RTN4IP1: variants seen among roughly 807,000 people sequenced by gnomAD.
The protein encoded by RTN4IP1 is reticulon 4 interacting protein 1.
RTN4IP1 carries 32 observed loss-of-function variants against 46.6 expected under a neutral mutation model. The observed-to-expected ratio is 0.69, with a 90% CI of 0.52 to 0.92. The LOEUF (loss-of-function observed/expected upper bound fraction) is 0.92, where lower values mean the gene tolerates loss of function less well. Among genes scored for constraint, RTN4IP1 ranks in the 40% least tolerant of loss-of-function variants. The probability of loss-of-function intolerance (pLI) is 0.00; values close to 1 mark genes in which losing one functional copy is unlikely to be tolerated. For synonymous variants in RTN4IP1, 167 were observed against 161.8 expected, an observed-to-expected ratio of 1.03 and a Z score of -0.24; for missense variants, 424 against 485.8, an observed-to-expected ratio of 0.87 and a Z score of 1.20.
intron 1 of RTN4IP1, among the ~76,000 whole-genome samples, chr6:106,625,398 G>A (rs1055885016): frequency 1.2e-4 from 18 of 152,056 alleles, no homozygotes; most frequent in African/African-American, 4.3e-4. Context: ...CGGGAGACAG[G>A]TTTTCAAATA....
At chr6:106,628,011 T>G (rs1336858670) in intron 1 of RTN4IP1, among the ~76,000 whole-genome samples, 28 of 142,878 alleles carry the variant, frequency 2.0e-4, no homozygotes, top group Admixed American at 1.3e-3. Flanking sequence ...GAGGTTGCAG[T>G]GAGCCAGGAA....
In RTN4IP1 at chr6:106,629,376, G is replaced by T. The variant is rs1011083794; in HGVS notation, c.-355C>A. 15 of 557,126 alleles carry T rather than the reference G, an allele frequency of 2.7e-5. No individual in the cohort carries two copies. In the Admixed American group the frequency reaches 4.2e-4, roughly 16 times the overall value. The allele number at this position is 557,126 out of a possible 1,614,324, so 34.5% of individuals were successfully genotyped here. On this transcript the variant is annotated 5_prime_UTR_variant, in exon 1 of 9. Transcript: ENST00000369063. ...CTGCCCTGTCCTGGGAGCCCTCGGCGGGACAAGCAGACACCGCTCGCGATC... is the reference window on the plus strand; with the variant it reads ...CTGCCCTGTCCTGGGAGCCCTCGGCTGGACAAGCAGACACCGCTCGCGATC...
At chr6:106,607,573 C>G (rs1159383095) in intron 4 of RTN4IP1, 1 of 152,068 alleles carries the variant, frequency 6.6e-6, no homozygotes, top group East Asian at 1.9e-4. Flanking sequence ...AGGATCTGAA[C>G]AGACATTTCT....
chr6:106,613,609 A>T (rs1776282715), intron 4 of RTN4IP1, among the ~76,000 whole-genome samples: 1 of 152,216 alleles, frequency 6.6e-6, no homozygotes, highest in Non-Finnish European at 1.5e-5. Context: ...TAAACCAAAA[A>T]TAAAATTCTA....
chr6:106,628,334 G>T (rs1339650447), intron 1 of RTN4IP1, among the ~76,000 whole-genome samples: 1 of 151,932 alleles, frequency 6.6e-6, no homozygotes, highest in Non-Finnish European at 1.5e-5. Context: ...CGGTGTGGTG[G>T]CATGCGCCTG....
intron 1 of RTN4IP1, among the ~76,000 whole-genome samples, chr6:106,626,740 G>T (rs1196760645): frequency 1.3e-5 from 2 of 152,184 alleles, no homozygotes; most frequent in East Asian, 3.8e-4. Context: ...GGGCCCTTAA[G>T]TGTTCCATCC....
intron 4 of RTN4IP1, 61 bp downstream of exon 4, chr6:106,619,141 C>T (rs1029067853): frequency 1.3e-6 from 2 of 1,583,146 alleles, no homozygotes; most frequent in East Asian, 4.5e-5. Flanking sequence ...AAATCTACTG[C>T]AAGGAACTCA....
At chr6:106,613,639 G>A (rs926704804) in intron 4 of RTN4IP1, among the ~76,000 whole-genome samples, 1 of 152,120 alleles carries the variant, frequency 6.6e-6, no homozygotes, top group Non-Finnish European at 1.5e-5. Context: ...CCATCTGAAT[G>A]GACTCCTCTT....
At chr6:106,596,544 C>T (rs1775798250) in intron 5 of RTN4IP1, among the ~76,000 whole-genome samples, 1 of 152,218 alleles carries the variant, frequency 6.6e-6, no homozygotes, top group African/African-American at 2.4e-5. Context: ...GATCATGTCA[C>T]TGCATCTCAG....
At chr6:106,608,742 C>T (rs578226198) in intron 4 of RTN4IP1, among the ~76,000 whole-genome samples, 1 of 152,210 alleles carries the variant, frequency 6.6e-6, no homozygotes, top group East Asian at 1.9e-4. Flanking sequence ...GTACCTTTTG[C>T]CCTGACAATT....
chr6:106,605,815 C>CA (rs1776053340), intron 4 of RTN4IP1, among the ~76,000 whole-genome samples: 520 of 23,906 alleles, frequency 0.022, 28 homozygotes, highest in Middle Eastern at 0.034. Context: ...AGACTCTGTC[C>CA]CAAAAAAAAA....
Position 106,628,974 on chromosome 6 carries a change from C to G in RTN4IP1, c.48G>C (p.Ala16=), listed in dbSNP as rs573671423. The change falls in exon 1 of 9, where the codon GCG becomes GCC. Residue 16 remains alanine, a synonymous_variant. Coordinates refer to ENST00000369063, the MANE Select transcript of RTN4IP1 (RefSeq NM_032730.5). ...TCVLRRNACT[A]VCFWRSKVVQ... ...CAACTTTGCTTCTCCAGAAGCAAAC[C>G]GCAGTGCATGCATTTCTTCTAAGTA... 3 of 1,613,910 alleles carry G rather than the reference C, an allele frequency of 1.9e-6. No homozygotes were observed. The African/African-American group carries it at 4.0e-5, about 22-fold the overall frequency.
intron 8 of RTN4IP1, among the ~76,000 whole-genome samples, chr6:106,579,837 C>T (rs1198820830): frequency 6.6e-6 from 1 of 151,508 alleles, no homozygotes; most frequent in African/African-American, 2.4e-5. Context: ...TGGTCTTGAA[C>T]TCCTGGGCCC....
chr6:106,621,603 A>T, intron 2 of RTN4IP1, 110 bp from the exon 3 acceptor site: 1 of 784,176 alleles, frequency 1.3e-6, no homozygotes, highest in Non-Finnish European at 2.2e-6. Context: ...AAAACACAGA[A>T]GTCAGCACTA....
At chr6:106,625,639 G>C (rs1776614844) in intron 1 of RTN4IP1, among the ~76,000 whole-genome samples, 1 of 150,432 alleles carries the variant, frequency 6.6e-6, no homozygotes, top group African/African-American at 2.4e-5. Flanking sequence ...GAGGACTTTT[G>C]AGTGGCTTTT....
chr6:106,588,187 T>C (rs1487821395), intron 6 of RTN4IP1, among the ~76,000 whole-genome samples: 8 of 150,848 alleles, frequency 5.3e-5, no homozygotes, highest in African/African-American at 1.9e-4. Flanking sequence ...ATGCACAGAA[T>C]AGCCCCTCAC....
intron 8 of RTN4IP1, among the ~76,000 whole-genome samples, chr6:106,580,335 G>A (rs1190472285): frequency 6.6e-6 from 1 of 151,888 alleles, no homozygotes; most frequent in East Asian, 1.9e-4. Flanking sequence ...TAATGGGTAA[G>A]TAAAGAGAGA....
Position 106,587,765 on chromosome 6 carries a change from T to C in RTN4IP1, c.904A>G (p.Thr302Ala), listed in dbSNP as rs1775522210. 1 of 1,613,824 alleles carries C rather than the reference T, an allele frequency of 6.2e-7. No individual in the cohort carries two copies. The highest frequency in any genetic ancestry group is 8.5e-7 in the Non-Finnish European group (1 of 1,179,956). ...CGGTCCATGTTCAGGAGGAAAGGAG[T>C]CACCAAAGTCACATAGGTGGCTCCT... The part of the protein sequence containing the change: ...WSGATYVTLV[T>A]PFLLNMDRLG... Residue 302 changes from threonine to alanine, a missense_variant, in exon 7 of 9, where the codon ACT (threonine) becomes GCT (alanine). Thr to Ala is a moderately conservative substitution (Grantham distance 58). Transcript: ENST00000369063.
At chr6:106,589,891 G>T (rs543293251) in intron 6 of RTN4IP1, among the ~76,000 whole-genome samples, 210 of 152,328 alleles carry the variant, frequency 1.4e-3, no homozygotes, top group African/African-American at 4.7e-3. Context: ...AGCGAAAGGA[G>T]CAAGACCACT....
Sources: gnomAD v4.1 joint callset for allele counts (sites outside exome capture counted in the v4.1 genomes callset) on GRCh38, gnomAD v4.1.1 for gene constraint, MANE v1.5 for transcripts, NCBI Gene and HGNC (gene_info 2026-07-23, HGNC 2026-07-21) for gene names.